Variants in DNAH5 observed in about 807,000 individuals in gnomAD.
The protein encoded by DNAH5 is axonemal beta dynein heavy chain 5.
In DNAH5, 372 loss-of-function variants were observed where a neutral mutation model predicts 518.2. The ratio of observed to expected loss-of-function variants is 0.72; its 90% CI spans 0.66 to 0.78. The LOEUF (loss-of-function observed/expected upper bound fraction) is 0.78, where lower values mean the gene tolerates loss of function less well. DNAH5 is among the 30% of genes least tolerant of loss of function. The pLI, the probability that DNAH5 is intolerant of heterozygous loss-of-function variation, is 0.00. For synonymous variants in DNAH5, 2,039 were observed against 2,025.9 expected (o/e 1.01, Z -0.17); for missense variants, 5,523 against 5,687.0 (o/e 0.97, Z 0.93).
At position 13,780,818 on chromosome 5, in the gene DNAH5, A is replaced by T. The variant is rs775024219; in HGVS notation, c.8951+11T>A. 7 of 1,613,304 alleles carry T rather than the reference A, an allele frequency of 4.3e-6. No homozygotes were observed. In the South Asian group the frequency reaches 7.7e-5, roughly 18 times the overall value. On this transcript the variant is annotated intron_variant, in intron 53 of 78. Coordinates refer to ENST00000265104, the MANE Select transcript of DNAH5 (RefSeq NM_001369.3). ...ATCCATGTTAGGTTTGTTAAAGTAA[A>T]AGGTTGTCACCTCGTCAGAGTGATC...
intron 59 of DNAH5, 52 bp downstream of exon 59, chr5:13,765,924 A>C: frequency 6.6e-7 from 1 of 1,520,882 alleles, no homozygotes; most frequent in Non-Finnish European, 9.1e-7. Flanking sequence ...AAGGACTCAT[A>C]CACCAGTGAA....
chr5:13,859,078 A>G (rs1768018468), intron 30 of DNAH5, among the ~76,000 whole-genome samples: 1 of 127,442 alleles, frequency 7.8e-6, no homozygotes, highest in African/African-American at 2.8e-5. Flanking sequence ...CATTACTTTA[A>G]AATGTCTGTA....
At chr5:13,810,385 G>A in intron 44 of DNAH5, 125 bp from the exon 45 acceptor site, 6 of 815,118 alleles carry the variant, frequency 7.4e-6, no homozygotes, top group South Asian at 2.9e-5. Context: ...CAAGGGAAAG[G>A]ATGAATACAA....
At chr5:13,986,542 AG>A (rs1490156703) in intron 1 of DNAH5, among the ~76,000 whole-genome samples, 10 of 152,200 alleles carry the variant, frequency 6.6e-5, no homozygotes, top group African/African-American at 2.4e-4. Context: ...CTCTCCAAAA[AG>A]ACTATGGACA....
intron 43 of DNAH5, 111 bp downstream of exon 43, chr5:13,814,494 C>T: frequency 9.7e-7 from 1 of 1,029,388 alleles, no homozygotes; most frequent in Middle Eastern, 2.3e-4. Context: ...CAAACATTAG[C>T]ATAAAAATGC....
chr5:13,746,554 G>A (rs1749363278), intron 65 of DNAH5, among the ~76,000 whole-genome samples: 1 of 152,036 alleles, frequency 6.6e-6, no homozygotes, highest in Admixed American at 6.6e-5. Flanking sequence ...ATCATATCTT[G>A]GGTGAATAAC....
rs1169513401 is a variant in DNAH5, at chr5:13,796,690, G to C, written c.7888-2632C>G. On this transcript the variant is annotated intron_variant, in intron 47 of 78. Coordinates refer to ENST00000265104, the MANE Select transcript of DNAH5 (RefSeq NM_001369.3). ...ACCAATGACTTTCTTCACAGAATTG[G>C]AAAAAACTACTTTAAATTTCATATG... Among the ~76,000 whole-genome samples, 7 of 152,156 alleles carry C rather than the reference G, an allele frequency of 4.6e-5. No homozygotes were observed. The East Asian group carries it at 1.2e-3, about 25-fold the overall frequency.
intron 47 of DNAH5, among the ~76,000 whole-genome samples, chr5:13,806,720 G>T (rs759127663): frequency 6.6e-6 from 1 of 152,172 alleles, no homozygotes; most frequent in Admixed American, 6.5e-5. Context: ...GTTTCAATAA[G>T]GTCTTGTACA....
rs780100823 is a variant in DNAH5 at position 13,718,981 on chromosome 5, C to A, written c.12400G>T (p.Ala4134Ser). ...DAFRLWMTTEAHKQFPITLLQ... is the reference protein window; with the variant it reads ...DAFRLWMTTESHKQFPITLLQ... ...AGTGTAATGGGAAACTGCTTATGAGCCTCGGTGGTCATCCAGAGGCGGAAC... is the reference window on the plus strand; with the variant it reads ...AGTGTAATGGGAAACTGCTTATGAGACTCGGTGGTCATCCAGAGGCGGAAC... The change falls in exon 72 of 79, where the codon GCT becomes TCT. Residue 4134 changes from alanine to serine, a missense_variant. Physicochemically the swap from Ala to Ser is moderately conservative, Grantham distance 99. Around this residue, in one of 3 missense-constraint regions of DNAH5, gnomAD observed 5,121 missense variants for 5,223.3 expected, o/e 0.98. Coordinates refer to ENST00000265104, the MANE Select transcript of DNAH5 (RefSeq NM_001369.3). 4.3e-6 allele frequency: 7 copies of A among 1,613,896 alleles called. No homozygotes were observed. Among genetic ancestry groups the A allele is most frequent in the Non-Finnish European group, 5.9e-6 (7 of 1,179,992 alleles).
intron 1 of DNAH5, among the ~76,000 whole-genome samples, chr5:13,960,288 G>A (rs1374334402): frequency 6.6e-6 from 1 of 152,156 alleles, no homozygotes; most frequent in Non-Finnish European, 1.5e-5. Flanking sequence ...ATGTGAGGAG[G>A]TGCACAGATG....
In DNAH5 at chr5:13,729,577, T is replaced by G; in HGVS notation, c.11762-17A>C. 1 of 1,599,058 alleles carries G rather than the reference T, an allele frequency of 6.3e-7. No homozygotes were observed. The highest frequency in any genetic ancestry group is 8.5e-7 in the Non-Finnish European group (1 of 1,170,388). Reference sequence around the variant, plus strand: ...AGGCACCTCCTTTAAAATTAAATATTAAATTATCAGATTTCCCTTCCTTCA... The same window carrying G: ...AGGCACCTCCTTTAAAATTAAATATGAAATTATCAGATTTCCCTTCCTTCA... On this transcript the variant is annotated splice_polypyrimidine_tract_variant and intron_variant, in intron 68 of 78. Coordinates refer to ENST00000265104, the MANE Select transcript of DNAH5 (RefSeq NM_001369.3).
chr5:13,785,397 G>A (rs1278959855), intron 52 of DNAH5, among the ~76,000 whole-genome samples: 1 of 152,098 alleles, frequency 6.6e-6, no homozygotes, highest in East Asian at 1.9e-4. Context: ...CTTCTCATAT[G>A]ACAAACTAGA....
At chr5:13,972,868 T>G (rs1188028587) in intron 1 of DNAH5, among the ~76,000 whole-genome samples, 1 of 152,198 alleles carries the variant, frequency 6.6e-6, no homozygotes, top group East Asian at 1.9e-4. Flanking sequence ...TGCTATTTCT[T>G]TAGACTCTGA....
intron 47 of DNAH5, among the ~76,000 whole-genome samples, chr5:13,801,658 C>A (rs139089627): frequency 6.8e-4 from 103 of 152,268 alleles, no homozygotes; most frequent in Non-Finnish European, 1.2e-3. Flanking sequence ...GCATCTTGTT[C>A]TCCACTCTAC....
rs1757333412 is a variant in DNAH5, at chr5:13,793,510, T to C, written c.8224+5A>G. The C allele has an allele frequency of 3.1e-6, 5 of 1,610,962 alleles. No homozygotes were observed. The highest frequency in any genetic ancestry group is 4.2e-6 in the Non-Finnish European group (5 of 1,177,286). On this transcript the variant is annotated splice_donor_5th_base_variant and intron_variant, in intron 49 of 78. Transcript: ENST00000265104. ...CCTCCCACCCCACATCCTCTTGATC[T>C]TTACCAAAGATCTTGTCCACAGAAG...
At chr5:13,823,494 C>T (rs1762492929) in intron 39 of DNAH5, 124 bp from the exon 40 acceptor site, 2 of 694,380 alleles carry the variant, frequency 2.9e-6, no homozygotes, top group Admixed American at 2.1e-5. Flanking sequence ...AATAACATAT[C>T]ACCTTTATTG....
At chr5:13,786,108 G>C in intron 52 of DNAH5, 71 bp downstream of exon 52, 2 of 1,433,590 alleles carry the variant, frequency 1.4e-6, no homozygotes, top group Non-Finnish European at 2.0e-6. Context: ...AAATAAGAGA[G>C]GGAGAGGACC....
chr5:13,888,622 G>T (rs908108939), intron 17 of DNAH5, among the ~76,000 whole-genome samples: 1 of 152,202 alleles, frequency 6.6e-6, no homozygotes, highest in Non-Finnish European at 1.5e-5. Flanking sequence ...TGGGTTCCAC[G>T]ATTTTGCTAC....
intron 41 of DNAH5, among the ~76,000 whole-genome samples, chr5:13,819,838 T>C (rs992674014): frequency 6.6e-6 from 1 of 152,194 alleles, no homozygotes; most frequent in African/African-American, 2.4e-5. Flanking sequence ...ATGATTGGGA[T>C]TGGGATGACT....
Sources: allele counts gnomAD v4.1 joint callset (sites outside exome capture counted in the v4.1 genomes callset), GRCh38; gene constraint gnomAD v4.1.1; regional missense constraint gnomAD v4.1.1; transcripts MANE v1.5; gene names NCBI Gene and HGNC (gene_info 2026-07-23, HGNC 2026-07-21).